Variants in IFT88 observed in about 807,000 individuals in gnomAD.
IFT88 encodes the protein intraflagellar transport protein 88 homolog.
In IFT88, 74 loss-of-function variants were observed where a neutral mutation model predicts 119.5. That is an observed-to-expected ratio of 0.62 (90% CI 0.51 to 0.75). The LOEUF (loss-of-function observed/expected upper bound fraction) is 0.75, where lower values mean the gene tolerates loss of function less well. Among genes scored for constraint, IFT88 ranks in the 30% least tolerant of loss-of-function variants. The pLI is 0.00. For synonymous variants in IFT88, 279 were observed against 316.7 expected (o/e 0.88, Z 1.26); for missense variants, 961 against 977.7 (o/e 0.98, Z 0.23).
chr13:20,620,943 G>A (rs1250154599), intron 14 of IFT88, among the ~76,000 whole-genome samples: 2 of 152,216 alleles, frequency 1.3e-5, no homozygotes, highest in Non-Finnish European at 2.9e-5. Context: ...TATGAAGCAG[G>A]AAGTGGTCAC....
chr13:20,601,887 T>C lies in IFT88; in HGVS notation c.995T>C (p.Ile332Thr), dbSNP rs1025019015. The change falls in exon 12 of 26, where the codon ATT (isoleucine) becomes ACT (threonine). Residue 332 changes from isoleucine (I) to threonine (T), a missense_variant. Ile to Thr is a moderately conservative substitution (Grantham distance 89). Transcript: ENST00000351808. The part of the protein sequence containing the change: ...EKMKKAFQKL[I>T]TVPLEIDEDK... ...ATGAAGAAGGCATTCCAAAAATTGA[T>C]TACTGTTCCATTAGAAATTGATGAA... is the stretch of plus-strand genomic sequence containing the variant. 9.9e-6 allele frequency: 16 copies of C among 1,609,014 alleles called. No individual in the cohort carries two copies. The highest frequency in any genetic ancestry group is 1.4e-5 in the Non-Finnish European group (16 of 1,175,544).
intron 9 of IFT88, among the ~76,000 whole-genome samples, chr13:20,597,529 G>A (rs2041872385): frequency 6.6e-6 from 1 of 152,042 alleles, no homozygotes; most frequent in Non-Finnish European, 1.5e-5. Flanking sequence ...CAGATCACAA[G>A]GTCAGGAAAT....
chr13:20,678,652 C>T (rs531354549), intron 24 of IFT88, among the ~76,000 whole-genome samples: 13 of 152,228 alleles, frequency 8.5e-5, no homozygotes, highest in South Asian at 2.1e-4. Flanking sequence ...GAACCAACAA[C>T]TTCTAGCAGT....
chr13:20,594,529 T>C (rs138922842), intron 7 of IFT88, among the ~76,000 whole-genome samples: 4 of 152,298 alleles, frequency 2.6e-5, no homozygotes, highest in African/African-American at 9.6e-5. Flanking sequence ...TGCCTGAATA[T>C]AGATTGCATT....
intron 24 of IFT88, among the ~76,000 whole-genome samples, chr13:20,674,722 ATATTTTTTT>A (rs1191387523): frequency 2.3e-5 from 1 of 42,692 alleles, no homozygotes; most frequent in African/African-American, 9.1e-5. Flanking sequence ...ATATATATAT[ATATTTTTTT>A]TTTTTTTTTT....
At chr13:20,589,575 C>T (rs1177914198) in intron 3 of IFT88, among the ~76,000 whole-genome samples, 4 of 152,102 alleles carry the variant, frequency 2.6e-5, no homozygotes, top group African/African-American at 9.7e-5. Flanking sequence ...CTTATCGGCA[C>T]CTCAGATCGT....
chr13:20,617,875 T>C (rs2045882201), intron 14 of IFT88, among the ~76,000 whole-genome samples: 1 of 151,854 alleles, frequency 6.6e-6, no homozygotes. Context: ...CTCACTGCAA[T>C]CTCCACTTCC....
chr13:20,592,797 A>G (rs1460111988), intron 7 of IFT88, among the ~76,000 whole-genome samples: 1 of 152,288 alleles, frequency 6.6e-6, no homozygotes, highest in Non-Finnish European at 1.5e-5. Flanking sequence ...TGTGACTTCC[A>G]TAAGAATTAC....
At chr13:20,599,739 G>A (rs180892125) in intron 11 of IFT88, among the ~76,000 whole-genome samples, 174 bp downstream of exon 11, 158 of 152,142 alleles carry the variant, frequency 1.0e-3, no homozygotes, top group Non-Finnish European at 2.4e-4. Flanking sequence ...TTTTTATAAT[G>A]ACAAGTTAAA....
chr13:20,579,119 TTTC>T (rs950001338), intron 2 of IFT88, among the ~76,000 whole-genome samples: 10 of 152,208 alleles, frequency 6.6e-5, no homozygotes, highest in African/African-American at 2.4e-4. Context: ...ATTTGAAGTT[TTTC>T]TTCTTTTTTG....
chr13:20,577,540 GT>G (rs1028739943), intron 2 of IFT88, among the ~76,000 whole-genome samples: 12 of 150,918 alleles, frequency 8.0e-5, no homozygotes, highest in African/African-American at 2.9e-4. Flanking sequence ...TCTATACACA[GT>G]TTTTTTTTAG....
intron 20 of IFT88, among the ~76,000 whole-genome samples, chr13:20,648,687 A>G (rs1038735287): frequency 1.3e-5 from 2 of 152,020 alleles, no homozygotes; most frequent in African/African-American, 4.8e-5. Context: ...AATCACATTA[A>G]ATATAAATTT....
At chr13:20,688,802 T>C (rs1409889611) in intron 24 of IFT88, among the ~76,000 whole-genome samples, 1 of 152,138 alleles carries the variant, frequency 6.6e-6, no homozygotes, top group Admixed American at 6.6e-5. Context: ...TCATAGCTCA[T>C]TGCAGCATTG....
At position 20,691,102 on chromosome 13, in the gene IFT88, C is replaced by T. The variant is rs2058428541; in HGVS notation, c.2402C>T (p.Thr801Ile). The change falls in exon 26 of 26, where the codon ACT becomes ATT. Residue 801 changes from threonine (T) to isoleucine (I), a missense_variant. Physicochemically the swap from Thr to Ile is moderately conservative, Grantham distance 89. Transcript: ENST00000351808. ...GGCCCTCAAATAGAACGACCAAAAA[C>T]TGCAGCCAAGAAAAGGATCGATGAG... ...PLGPQIERPK[T>I]AAKKRIDEDD... The T allele has an allele frequency of 1.2e-6, 2 of 1,613,960 alleles. No individual in the cohort carries two copies. The highest frequency in any genetic ancestry group is 2.7e-5 in the African/African-American group (2 of 75,028).
At chr13:20,655,895 A>G (rs560828283) in intron 21 of IFT88, among the ~76,000 whole-genome samples, 1 of 152,334 alleles carries the variant, frequency 6.6e-6, no homozygotes, top group Non-Finnish European at 1.5e-5. Context: ...TTGTCAGTTC[A>G]TCTGGAATAA....
At chr13:20,579,361 A>G (rs1408470077) in intron 2 of IFT88, among the ~76,000 whole-genome samples, 1 of 152,068 alleles carries the variant, frequency 6.6e-6, no homozygotes, top group African/African-American at 2.4e-5. Context: ...ACTGAACCGT[A>G]AGACAAAGTC....
At chr13:20,577,114 T>C (rs182152417) in intron 2 of IFT88, among the ~76,000 whole-genome samples, 2 of 152,220 alleles carry the variant, frequency 1.3e-5, no homozygotes, top group Admixed American at 1.3e-4. Context: ...TATTTAATTT[T>C]ATTCGTAGAT....
In IFT88 at chr13:20,641,372, C is replaced by T. The variant is rs778032657; in HGVS notation, c.1656C>T (p.Ala552=). Residue 552 remains alanine (A), a synonymous_variant, in exon 18 of 26, where the codon GCC becomes GCT. Transcript: ENST00000351808. ...LKLHAILRNS[A]EVLYQIANIY... is the part of the protein sequence containing the mutation. Reference sequence around the variant, plus strand: ...TTCACGCAATCCTACGAAACAGTGCCGAAGTTCTTTACCAGATAGCAAATA... The same window carrying T: ...TTCACGCAATCCTACGAAACAGTGCTGAAGTTCTTTACCAGATAGCAAATA... 88 of 1,609,640 alleles carry T rather than the reference C, an allele frequency of 5.5e-5. No homozygotes were observed. In the South Asian group the frequency reaches 9.2e-4, roughly 17 times the overall value.
chr13:20,653,345 C>T (rs2052124137), intron 20 of IFT88, among the ~76,000 whole-genome samples: 1 of 152,070 alleles, frequency 6.6e-6, no homozygotes, highest in African/African-American at 2.4e-5. Flanking sequence ...TCATATCTTG[C>T]CATCCTGAGA....
Sources: allele counts gnomAD v4.1 joint callset (sites outside exome capture counted in the v4.1 genomes callset), GRCh38; gene constraint gnomAD v4.1.1; transcripts MANE v1.5; gene names NCBI Gene and HGNC (gene_info 2026-07-23, HGNC 2026-07-21).